Variants in CCDC91 observed in about 807,000 individuals in gnomAD.
CCDC91 encodes coiled-coil domain-containing protein 91.
A neutral mutation model predicts 63.2 loss-of-function variants in CCDC91; 48 were observed. The observed-to-expected ratio is 0.76, with a 90% CI of 0.60 to 0.97. The LOEUF (loss-of-function observed/expected upper bound fraction) is 0.97, where lower values mean the gene tolerates loss of function less well. Ranked by LOEUF, CCDC91 falls within the 50% of genes least tolerant of loss-of-function variation. The pLI is 0.00. For synonymous variants in CCDC91, 167 were observed against 165.8 expected (o/e 1.01, Z -0.06); for missense variants, 500 against 494.6 (o/e 1.01, Z -0.10).
chr12:28,249,185 A>G (rs1179569796), intron 1 of CCDC91, among the ~76,000 whole-genome samples: 1 of 152,194 alleles, frequency 6.6e-6, no homozygotes, highest in Non-Finnish European at 1.5e-5. Context: ...AATAACTTTA[A>G]AGAAATACTG....
At chr12:28,267,751 C>CTATA (rs1158551830) in intron 3 of CCDC91, among the ~76,000 whole-genome samples, 1 of 51,874 alleles carries the variant, frequency 1.9e-5, no homozygotes, top group Non-Finnish European at 3.6e-5. Context: ...TTATATATTA[C>CTATA]TATATAATTA....
chr12:28,282,465 A>G (rs144206864), intron 3 of CCDC91, among the ~76,000 whole-genome samples: 44 of 152,290 alleles, frequency 2.9e-4, no homozygotes, highest in African/African-American at 1.0e-3. Context: ...GCTGAGTGGT[A>G]TTCCATGGTG....
intron 1 of CCDC91, among the ~76,000 whole-genome samples, chr12:28,226,736 T>C (rs926576547): frequency 1.3e-5 from 2 of 152,176 alleles, no homozygotes; most frequent in Non-Finnish European, 2.9e-5. Flanking sequence ...TTTTATCTAC[T>C]GCCCTTTTTC....
At position 28,295,019 on chromosome 12, in the gene CCDC91, G is replaced by T. The variant is rs187119411; in HGVS notation, c.110-10630G>T. On this transcript the variant is annotated intron_variant, in intron 3 of 12. Coordinates refer to ENST00000536442, the MANE Select transcript of CCDC91 (RefSeq NM_018318.5). ...TTGTCTACATTCAGCACAAGTTTCA[G>T]GGTTATCTGATTCTAGCCCTGTTCA... 1.1e-3 allele frequency among the ~76,000 whole-genome samples: 164 copies of T among 152,240 alleles called. 1 individual carries two copies. Among genetic ancestry groups the T allele is most frequent in the African/African-American group, 3.4e-3 (141 of 41,532 alleles).
At chr12:28,344,711 T>C (rs1351599000) in intron 6 of CCDC91, among the ~76,000 whole-genome samples, 13 of 152,212 alleles carry the variant, frequency 8.5e-5, no homozygotes, top group Admixed American at 7.2e-4. Flanking sequence ...ATTGTTGTTA[T>C]CTGTTTTACA....
intron 3 of CCDC91, among the ~76,000 whole-genome samples, chr12:28,289,907 T>A (rs1949134679): frequency 6.6e-6 from 1 of 151,968 alleles, no homozygotes; most frequent in South Asian, 2.1e-4. Flanking sequence ...TTAGCCAGGA[T>A]GGTCTCGATC....
chr12:28,462,875 G>A (rs1407324404), intron 11 of CCDC91, among the ~76,000 whole-genome samples: 1 of 152,104 alleles, frequency 6.6e-6, no homozygotes, highest in African/African-American at 2.4e-5. Context: ...AAAGCCTGGA[G>A]CATTTCAGGA....
chr12:28,320,050 C>T (rs192754926), intron 6 of CCDC91, among the ~76,000 whole-genome samples: 18 of 151,924 alleles, frequency 1.2e-4, no homozygotes, highest in African/African-American at 1.9e-4. Flanking sequence ...TTTTGATCTA[C>T]GCTAATACCA....
intron 12 of CCDC91, among the ~76,000 whole-genome samples, chr12:28,486,742 G>A (rs144927161): frequency 1.3e-5 from 2 of 151,984 alleles, no homozygotes; most frequent in Non-Finnish European, 2.9e-5. Context: ...CATACTAAAG[G>A]CCTAGTATTC....
chr12:28,432,839 G>A (rs1297060447), intron 8 of CCDC91, among the ~76,000 whole-genome samples: 1 of 152,104 alleles, frequency 6.6e-6, no homozygotes, highest in African/African-American at 2.4e-5. Context: ...TTATGCACCA[G>A]CAATAAATGA....
At chr12:28,266,052 C>T (rs2060252204) in intron 3 of CCDC91, among the ~76,000 whole-genome samples, 1 of 151,894 alleles carries the variant, frequency 6.6e-6, no homozygotes, top group African/African-American at 2.4e-5. Context: ...ATTAACTCAC[C>T]TTCTTTTACT....
chr12:28,316,305 C>A (rs1290630034), intron 6 of CCDC91, among the ~76,000 whole-genome samples: 1 of 151,612 alleles, frequency 6.6e-6, no homozygotes, highest in African/African-American at 2.4e-5. Flanking sequence ...TTTATTGCTT[C>A]ATTTCTTTTT....
chr12:28,358,861 A>G (rs143066047), intron 6 of CCDC91, among the ~76,000 whole-genome samples: 1 of 152,308 alleles, frequency 6.6e-6, no homozygotes, highest in East Asian at 1.9e-4. Context: ...AAGTATAGCA[A>G]GTGTAATAGT....
At chr12:28,231,144 A>G (rs551249810) in intron 1 of CCDC91, among the ~76,000 whole-genome samples, 10 of 151,990 alleles carry the variant, frequency 6.6e-5, no homozygotes, top group African/African-American at 2.4e-4. Context: ...ATACTTTTCT[A>G]TGTTGTAATT....
intron 3 of CCDC91, among the ~76,000 whole-genome samples, chr12:28,283,572 A>G (rs1259293886): frequency 2.6e-5 from 4 of 151,992 alleles, no homozygotes. Context: ...TGGTTGTGTA[A>G]AGGTTGAGTA....
At chr12:28,211,607 G>C (rs1235876287) in intron 1 of CCDC91, among the ~76,000 whole-genome samples, 1 of 152,152 alleles carries the variant, frequency 6.6e-6, no homozygotes, top group Non-Finnish European at 1.5e-5. Flanking sequence ...TGTAAGTTAT[G>C]TTTAGTAAGA....
intron 1 of CCDC91, among the ~76,000 whole-genome samples, chr12:28,251,265 G>T (rs1297821485): frequency 6.6e-6 from 1 of 151,978 alleles, no homozygotes; most frequent in African/African-American, 2.4e-5. Context: ...TTATCAAAAT[G>T]TCTTTATTAG....
At chr12:28,378,132 AGT>A (rs1347069018) in intron 7 of CCDC91, among the ~76,000 whole-genome samples, 5 of 152,088 alleles carry the variant, frequency 3.3e-5, no homozygotes, top group African/African-American at 1.2e-4. Flanking sequence ...CATACACTTT[AGT>A]AGCTCTAAAA....
chr12:28,260,311 T>G (rs1185388576), intron 3 of CCDC91, among the ~76,000 whole-genome samples: 10 of 151,994 alleles, frequency 6.6e-5, no homozygotes, highest in Non-Finnish European at 1.3e-4. Context: ...GTTTATACAG[T>G]TGATCTGTTC....
Sources: allele counts gnomAD v4.1 joint callset (sites outside exome capture counted in the v4.1 genomes callset), GRCh38; gene constraint gnomAD v4.1.1; transcripts MANE v1.5; gene names NCBI Gene and HGNC (gene_info 2026-07-23, HGNC 2026-07-21).